ZNF366: variants seen among roughly 807,000 people sequenced by gnomAD.
ZNF366 encodes zinc finger protein 366, also known as dendritic cell-specific transcript protein.
ZNF366 carries 20 observed loss-of-function variants against 47.2 expected under a neutral mutation model. The observed-to-expected ratio is 0.42, with a 90% CI of 0.30 to 0.62. The LOEUF (loss-of-function observed/expected upper bound fraction) is 0.62, where lower values mean the gene tolerates loss of function less well. Among genes scored for constraint, ZNF366 ranks in the 20% least tolerant of loss-of-function variants. The probability of loss-of-function intolerance (pLI) is 0.16; values close to 1 mark genes in which losing one functional copy is unlikely to be tolerated. For synonymous variants in ZNF366, 421 were observed against 395.1 expected, an observed-to-expected ratio of 1.07 and a Z score of -0.78; for missense variants, 987 against 976.3, an observed-to-expected ratio of 1.01 and a Z score of -0.15.
intron 1 of ZNF366, among the ~76,000 whole-genome samples, chr5:72,471,287 T>A (rs1396989982): frequency 6.6e-6 from 1 of 152,246 alleles, no homozygotes; most frequent in Non-Finnish European, 1.5e-5. Flanking sequence ...ACTCTGCATC[T>A]GGATACCTTT....
At chr5:72,466,712 C>T (rs564487376) in intron 1 of ZNF366, among the ~76,000 whole-genome samples, 1 of 152,268 alleles carries the variant, frequency 6.6e-6, no homozygotes, top group Admixed American at 6.5e-5. Context: ...ATAATTTTAT[C>T]TTGTGTTATT....
At chr5:72,450,854 A>G (rs1743054903) in intron 3 of ZNF366, among the ~76,000 whole-genome samples, 1 of 152,242 alleles carries the variant, frequency 6.6e-6, no homozygotes, top group Non-Finnish European at 1.5e-5. Flanking sequence ...AACCTCTCAC[A>G]CACTGTTAGT....
At chr5:72,444,991 T>C (rs775943404) in intron 4 of ZNF366, among the ~76,000 whole-genome samples, 35 of 152,216 alleles carry the variant, frequency 2.3e-4, no homozygotes, top group Non-Finnish European at 4.4e-4. Flanking sequence ...GCCATTTTCA[T>C]CTTGAACAAA....
chr5:72,475,348 A>T (rs1028131172), intron 1 of ZNF366, among the ~76,000 whole-genome samples: 7 of 152,162 alleles, frequency 4.6e-5, no homozygotes, highest in Admixed American at 4.6e-4. Context: ...CTTCTAAGGG[A>T]AGATGAAATG....
At chr5:72,485,616 G>T (rs1580250011) in intron 1 of ZNF366, among the ~76,000 whole-genome samples, 2 of 152,186 alleles carry the variant, frequency 1.3e-5, no homozygotes, top group South Asian at 2.1e-4. Context: ...CTTCTCCCTT[G>T]GGCTCCTGTC....
chr5:72,460,390 C>G lies in ZNF366; in HGVS notation c.1107G>C (p.Glu369Asp). 6.2e-7 allele frequency: 1 copy of G among 1,614,268 alleles called. No homozygotes were observed. Among genetic ancestry groups the G allele is most frequent in the Non-Finnish European group, 8.5e-7 (1 of 1,180,048 alleles). Residue 369 changes from glutamate (E) to aspartate (D), a missense_variant, in exon 2 of 5, where the codon GAG becomes GAC. Physicochemically the swap from Glu to Asp is conservative, Grantham distance 45 (BLOSUM62 2). Transcript: ENST00000318442. ...HASGRENICV[E>D]CGLDFPTLAQ... ...CCAAGGTGGGGAAGTCGAGGCCGCACTCCACACAGATGTTCTCGCGCCCAC... is the reference window on the plus strand; with the variant it reads ...CCAAGGTGGGGAAGTCGAGGCCGCAGTCCACACAGATGTTCTCGCGCCCAC...
chr5:72,460,666 C>A lies in ZNF366; in HGVS notation c.831G>T (p.Gly277=), dbSNP rs758709035. 5.0e-6 allele frequency: 8 copies of A among 1,614,094 alleles called. No homozygotes were observed. Among genetic ancestry groups the A allele is most frequent in the Non-Finnish European group, 6.8e-6 (8 of 1,180,042 alleles). The change falls in exon 2 of 5, where the codon GGG becomes GGT. Residue 277 remains glycine, a synonymous_variant. Coordinates refer to ENST00000318442, the MANE Select transcript of ZNF366 (RefSeq NM_152625.3). Reference sequence around the variant, plus strand: ...AGTGCGTGCACGCGTGCGGCTTGATCCCACTGTGGCCCAGGATGTGGGTGA... The same window carrying A: ...AGTGCGTGCACGCGTGCGGCTTGATACCACTGTGGCCCAGGATGTGGGTGA... ...NLVTHILGHS[G]IKPHACTHCG...
At chr5:72,462,234 A>C (rs773314629) in intron 1 of ZNF366, among the ~76,000 whole-genome samples, 13 of 152,240 alleles carry the variant, frequency 8.5e-5, no homozygotes, top group Non-Finnish European at 1.6e-4. Flanking sequence ...TCAATGTTAT[A>C]AAGTCATCCT....
intron 4 of ZNF366, 97 bp from the exon 5 acceptor site, chr5:72,444,388 G>C: frequency 1.5e-6 from 2 of 1,313,062 alleles, no homozygotes; most frequent in Non-Finnish European, 2.1e-6. Flanking sequence ...AATGTATTCC[G>C]ATGCGTATTT....
chr5:72,471,572 G>C (rs143603612), intron 1 of ZNF366, among the ~76,000 whole-genome samples: 23 of 152,216 alleles, frequency 1.5e-4, no homozygotes, highest in Non-Finnish European at 2.4e-4. Flanking sequence ...TTTATGGAGG[G>C]GCCGTTCCCA....
chr5:72,449,586 G>A (rs1343195507), intron 3 of ZNF366, among the ~76,000 whole-genome samples: 1 of 152,182 alleles, frequency 6.6e-6, no homozygotes, highest in African/African-American at 2.4e-5. Flanking sequence ...TTCCAGTCAC[G>A]GGTCATTTTT....
At chr5:72,505,126 G>A (rs937576627) in intron 1 of ZNF366, among the ~76,000 whole-genome samples, 1 of 152,138 alleles carries the variant, frequency 6.6e-6, no homozygotes, top group Non-Finnish European at 1.5e-5. Context: ...AAAATACTGT[G>A]TGTCTCAAAT....
Position 72,443,690 on chromosome 5 carries a change from C to G in ZNF366, c.*66G>C. ...CGCCAGTCTCCAGAAAATGACAGTT[C>G]ATGCAGAAAGCTATATTTGAACTGC... On this transcript the variant is annotated 3_prime_UTR_variant, in exon 5 of 5. Transcript: ENST00000318442. The G allele has an allele frequency of 6.7e-7, 1 of 1,500,796 alleles. No individual in the cohort carries two copies. The highest frequency in any genetic ancestry group is 9.0e-7 in the Non-Finnish European group (1 of 1,113,128). 93.0% of individuals were successfully genotyped at this position (1,500,796 alleles called of 1,614,324 possible).
At chr5:72,459,509 T>G (rs1482886922) in intron 2 of ZNF366, among the ~76,000 whole-genome samples, 1 of 152,168 alleles carries the variant, frequency 6.6e-6, no homozygotes, top group Non-Finnish European at 1.5e-5. Context: ...CTTGAAGACC[T>G]GAGCACAGAG....
At chr5:72,454,528 A>G (rs1369352389) in intron 3 of ZNF366, among the ~76,000 whole-genome samples, 1 of 152,172 alleles carries the variant, frequency 6.6e-6, no homozygotes, top group Admixed American at 6.5e-5. Context: ...TACCACTGCT[A>G]CTGGACCAGA....
chr5:72,489,000 C>T (rs1478336063), intron 1 of ZNF366, among the ~76,000 whole-genome samples: 2 of 152,208 alleles, frequency 1.3e-5, no homozygotes, highest in African/African-American at 4.8e-5. Context: ...AGGCATGGCA[C>T]ATGACTTGCT....
At chr5:72,489,105 G>A (rs759525400) in intron 1 of ZNF366, among the ~76,000 whole-genome samples, 1 of 152,104 alleles carries the variant, frequency 6.6e-6, no homozygotes, top group East Asian at 1.9e-4. Context: ...GCCAGATGTG[G>A]TGGCTCATGC....
chr5:72,449,806 G>T (rs968977938), intron 3 of ZNF366, among the ~76,000 whole-genome samples: 1 of 152,212 alleles, frequency 6.6e-6, no homozygotes, highest in African/African-American at 2.4e-5. Flanking sequence ...AGCATCTGCT[G>T]AGTGAGGAAA....
At chr5:72,450,324 T>C (rs188794718) in intron 3 of ZNF366, among the ~76,000 whole-genome samples, 2 of 152,256 alleles carry the variant, frequency 1.3e-5, no homozygotes. Flanking sequence ...CAAGGTCCCA[T>C]CTATTTCCCT....
Sources: allele counts gnomAD v4.1 joint callset (sites outside exome capture counted in the v4.1 genomes callset), GRCh38; gene constraint gnomAD v4.1.1; transcripts MANE v1.5; gene names NCBI Gene and HGNC (gene_info 2026-07-23, HGNC 2026-07-21).